The following NBAS variants were observed in gnomAD, a reference collection of about 807,000 sequenced individuals.
NBAS encodes NBAS subunit of NRZ tethering complex.
A neutral mutation model predicts 302.5 loss-of-function variants in NBAS; 219 were observed. The observed-to-expected ratio is 0.72, with a 90% CI of 0.65 to 0.81. The LOEUF (loss-of-function observed/expected upper bound fraction) is 0.81, where lower values mean the gene tolerates loss of function less well. Ranked by LOEUF, NBAS falls within the 30% of genes least tolerant of loss-of-function variation. The pLI is 0.00. For synonymous variants in NBAS, 1,118 were observed against 1,021.6 expected (o/e 1.09, Z -1.80); for missense variants, 2,932 against 2,841.6 (o/e 1.03, Z -0.72).
intron 38 of NBAS, among the ~76,000 whole-genome samples, chr2:15,321,426 G>A (rs1250801926): frequency 6.6e-6 from 1 of 152,090 alleles, no homozygotes; most frequent in Non-Finnish European, 1.5e-5. Flanking sequence ...CCTTCTGCAT[G>A]GCAAAAGAAA....
At chr2:15,086,988 C>T in the NBAS span, among the ~76,000 whole-genome samples, 1 of 152,158 alleles carries the variant, frequency 6.6e-6, no homozygotes, top group African/African-American at 2.4e-5. Flanking sequence ...CACGCACACA[C>T]ACACCACACC....
chr2:15,475,999 G>T (rs1680176971), intron 13 of NBAS, 119 bp from the exon 14 acceptor site: 1 of 745,356 alleles, frequency 1.3e-6, no homozygotes. Context: ...GGCCCTAATG[G>T]TATGTTAAAT....
intron 47 of NBAS, among the ~76,000 whole-genome samples, chr2:15,224,591 C>G (rs975475674): frequency 4.6e-5 from 7 of 152,154 alleles, no homozygotes; most frequent in African/African-American, 1.7e-4. Flanking sequence ...TACATGAAGT[C>G]AGGATGTTCC....
chr2:14,985,720 A>C, the NBAS span, among the ~76,000 whole-genome samples: 1 of 152,198 alleles, frequency 6.6e-6, no homozygotes, highest in Non-Finnish European at 1.5e-5. Flanking sequence ...GGTACCTAAT[A>C]AAGATATTCA....
At chr2:15,313,267 T>C (rs2148175393) in intron 38 of NBAS, among the ~76,000 whole-genome samples, 1 of 152,298 alleles carries the variant, frequency 6.6e-6, no homozygotes, top group South Asian at 2.1e-4. Context: ...AATAATAAAA[T>C]TAATCTAAAA....
At chr2:15,509,388 G>T (rs1334962742) in intron 10 of NBAS, among the ~76,000 whole-genome samples, 1 of 152,108 alleles carries the variant, frequency 6.6e-6, no homozygotes, top group Admixed American at 6.5e-5. Flanking sequence ...AGACTAGGTA[G>T]ATGGACAATA....
the NBAS span, among the ~76,000 whole-genome samples, chr2:14,804,733 C>T: frequency 1.3e-5 from 2 of 152,032 alleles, no homozygotes; most frequent in Admixed American, 1.3e-4. Flanking sequence ...ATTTTCTGCA[C>T]AGTGTTCAGT....
At chr2:14,838,646 A>C in the NBAS span, among the ~76,000 whole-genome samples, 71 of 152,054 alleles carry the variant, frequency 4.7e-4, no homozygotes, top group African/African-American at 1.5e-3. Flanking sequence ...AGTTGAACAG[A>C]TGTTTACAGA....
Position 15,167,140 on chromosome 2 carries a change from C to T in NBAS, c.7024G>A (p.Glu2342Lys), listed in dbSNP as rs756256415. ...ACGGCCAGAAGGAGAGACCCGGCTT[C>T]GGCTTCATGGCCGGCCTCCCGCAGG... ...RHLREAGHEA[E>K]AGSLLLAVRG... The change falls in exon 52 of 52, where the codon GAA (glutamate) becomes AAA (lysine). Residue 2342 changes from glutamate to lysine, a missense_variant. Physicochemically the swap from Glu to Lys is moderately conservative, Grantham distance 56. Coordinates refer to ENST00000281513, the MANE Select transcript of NBAS (RefSeq NM_015909.4). 11 of 1,614,142 alleles carry T rather than the reference C, an allele frequency of 6.8e-6. No homozygotes were observed. In the South Asian group the frequency reaches 7.7e-5, roughly 11 times the overall value.
intron 9 of NBAS, among the ~76,000 whole-genome samples, chr2:15,516,479 T>G (rs2148655703): frequency 6.6e-6 from 1 of 152,194 alleles, no homozygotes; most frequent in South Asian, 2.1e-4. Context: ...TCCCAGCACT[T>G]TGGGAAGCCC....
At chr2:15,513,224 T>C (rs961222967) in intron 9 of NBAS, among the ~76,000 whole-genome samples, 24 of 152,188 alleles carry the variant, frequency 1.6e-4, no homozygotes, top group African/African-American at 5.6e-4. Flanking sequence ...CAAATTTTCA[T>C]CTCAGCAAAT....
the NBAS span, among the ~76,000 whole-genome samples, chr2:15,137,576 C>T: frequency 6.6e-6 from 1 of 152,184 alleles, no homozygotes; most frequent in South Asian, 2.1e-4. Context: ...AAGAAAACAT[C>T]TGCATTCAAG....
intron 6 of NBAS, among the ~76,000 whole-genome samples, chr2:15,545,687 G>C (rs1016254031): frequency 6.6e-6 from 1 of 152,176 alleles, no homozygotes; most frequent in Non-Finnish European, 1.5e-5. Context: ...AAAACTCCAA[G>C]TTTCACTGGT....
chr2:15,354,516 A>T (rs13024118), intron 33 of NBAS, among the ~76,000 whole-genome samples: 77,519 of 152,024 alleles, frequency 0.51, 23,181 homozygotes, highest in Non-Finnish European at 0.68. Flanking sequence ...AACAATTTAG[A>T]TCAGTACATT....
At chr2:15,489,059 T>C (rs778469677) in intron 11 of NBAS, 37 bp from the exon 12 acceptor site, 36 of 1,608,242 alleles carry the variant, frequency 2.2e-5, no homozygotes, top group Non-Finnish European at 2.9e-5. Flanking sequence ...AAAGGACTTA[T>C]GGTCAAATGT....
chr2:15,475,690 C>T lies in NBAS; in HGVS notation c.1338G>A (p.Leu446=), dbSNP rs1680158432. The T allele has an allele frequency of 6.2e-7, 1 of 1,613,866 alleles. No individual in the cohort carries two copies. The highest frequency in any genetic ancestry group is 1.3e-5 in the African/African-American group (1 of 74,910). ...TATHDGGFLS[L]ECEIKLAPKR... ...AACAAACAGGAAAAAGCCTTACCTC[C>T]AAACTTAAAAATCCCCCATCATGGG... Residue 446 remains leucine, a synonymous_variant, in exon 14 of 52, where the codon TTG becomes TTA. Coordinates refer to ENST00000281513, the MANE Select transcript of NBAS (RefSeq NM_015909.4).
At chr2:14,912,703 TAAAAAAAAAA>T in the NBAS span, among the ~76,000 whole-genome samples, 11,431 of 78,644 alleles carry the variant, frequency 0.15, 590 homozygotes, top group Middle Eastern at 0.25. Context: ...CATTCATTTT[TAAAAAAAAAA>T]AAAAAAAAAA....
Position 15,275,504 on chromosome 2 carries a change from A to C in NBAS, c.5704T>G (p.Ser1902Ala). ...LITVVDAVTF[S>A]PKAVTKLSVE... ...TTTACCTTGGTCACAGCTTTTGGAG[A>C]AAATGTAACTGCATCTACCACAGTG... Residue 1902 changes from serine (S) to alanine (A), a missense_variant, in exon 44 of 52, where the codon TCT becomes GCT. By Grantham distance (99) the Ser-to-Ala change is moderately conservative (BLOSUM62 1). Transcript: ENST00000281513. 3 of 1,614,154 alleles carry C rather than the reference A, an allele frequency of 1.9e-6. No individual in the cohort carries two copies. The highest frequency in any genetic ancestry group is 2.5e-6 in the Non-Finnish European group (3 of 1,180,030).
At chr2:15,434,148 TA>T (rs1677896327) in intron 21 of NBAS, among the ~76,000 whole-genome samples, 1 of 151,702 alleles carries the variant, frequency 6.6e-6, no homozygotes, top group Non-Finnish European at 1.5e-5. Flanking sequence ...ATTAATTAAA[TA>T]ACTTCCCAAA....
Sources: gnomAD v4.1 joint callset for allele counts (sites outside exome capture counted in the v4.1 genomes callset) on GRCh38, gnomAD v4.1.1 for gene constraint, MANE v1.5 for transcripts, NCBI Gene and HGNC (gene_info 2026-07-23, HGNC 2026-07-21) for gene names.